The following ITGB1BP1 variants were observed in gnomAD, a reference collection of about 807,000 sequenced individuals.
ITGB1BP1 encodes integrin beta-1-binding protein 1.
In ITGB1BP1, 20 loss-of-function variants were observed where a neutral mutation model predicts 28.0. The observed-to-expected ratio is 0.71, with a 90% confidence interval of 0.50 to 1.04. The LOEUF is 1.04. Among genes scored for constraint, ITGB1BP1 ranks in the 50% least tolerant of loss-of-function variants. ITGB1BP1 has a pLI of 0.00. For missense variants in ITGB1BP1, 228 were observed against 242.5 expected, an observed-to-expected ratio of 0.94 and a Z score of 0.40; for synonymous variants, 103 against 89.5, an observed-to-expected ratio of 1.15 and a Z score of -0.85.
chr2:9,417,331 C>T (rs139781970), intron 2 of ITGB1BP1, among the ~76,000 whole-genome samples: 178 of 152,126 alleles, frequency 1.2e-3, no homozygotes, highest in African/African-American at 4.1e-3. Flanking sequence ...ATCATGGCCC[C>T]ACTTCTCCTG....
intron 2 of ITGB1BP1, among the ~76,000 whole-genome samples, chr2:9,417,714 C>T (rs1190045077): frequency 1.3e-5 from 2 of 152,268 alleles, no homozygotes; most frequent in Admixed American, 6.5e-5. Context: ...CCACCGTGCC[C>T]GGCCTGAAAA....
rs1393931495 is a variant in ITGB1BP1 at position 9,405,896 on chromosome 2, T to C, written c.*938A>G. Reference sequence around the variant, plus strand: ...TGCTTTGTGTGTCTTAAGTTGGCAATGTCACTGTTCCAGACCAGCATGAAT... The same window carrying C: ...TGCTTTGTGTGTCTTAAGTTGGCAACGTCACTGTTCCAGACCAGCATGAAT... On this transcript the variant is annotated 3_prime_UTR_variant, in exon 7 of 7. Transcript: ENST00000355346. The C allele has an allele frequency of 6.6e-6, 1 of 152,244 alleles. No individual in the cohort carries two copies. Among genetic ancestry groups the C allele is most frequent in the African/African-American group, 2.4e-5 (1 of 41,462 alleles). The allele number at this position is 152,244 out of a possible 1,614,324, so 9.4% of individuals were successfully genotyped here.
At chr2:9,407,351 A>G (rs1677615932) in intron 6 of ITGB1BP1, 98 bp downstream of exon 6, 4 of 1,344,974 alleles carry the variant, frequency 3.0e-6, no homozygotes, top group East Asian at 2.3e-5. Context: ...AAGATATTCC[A>G]TATATAATGG....
chr2:9,411,105 C>T (rs913851519), intron 4 of ITGB1BP1, among the ~76,000 whole-genome samples: 5 of 152,162 alleles, frequency 3.3e-5, no homozygotes, highest in Admixed American at 3.3e-4. Flanking sequence ...GGCAAGGGTA[C>T]AGATTTTATA....
chr2:9,412,350 A>C lies in ITGB1BP1; in HGVS notation c.207T>G (p.Gly69=), dbSNP rs1183184097. The change falls in exon 4 of 7, where the codon GGT becomes GGG. Residue 69 remains glycine, a synonymous_variant. Coordinates refer to ENST00000355346, the MANE Select transcript of ITGB1BP1 (RefSeq NM_004763.5). ...TCAEFRIKYV[G]AIEKLKLSEG... is the part of the protein sequence containing the mutation. ...CGGAGAGTTTCAGTTTCTCAATGGCACCAACATATTTTATTCGAAATTCTG... is the reference window on the plus strand; with the variant it reads ...CGGAGAGTTTCAGTTTCTCAATGGCCCCAACATATTTTATTCGAAATTCTG... 1 of 1,612,330 alleles carries C rather than the reference A, an allele frequency of 6.2e-7. No individual in the cohort carries two copies. Among genetic ancestry groups the C allele is most frequent in the Admixed American group, 1.7e-5 (1 of 59,928 alleles).
At position 9,414,261 on chromosome 2, in the gene ITGB1BP1, GA is replaced by G; in HGVS notation, c.73-6del. 6.2e-7 allele frequency: 1 copy of G among 1,613,150 alleles called. No homozygotes were observed. The highest frequency in any genetic ancestry group is 2.2e-5 in the East Asian group (1 of 44,874). On this transcript the variant is annotated splice_region_variant and splice_polypyrimidine_tract_variant and intron_variant, in intron 2 of 6. Transcript: ENST00000355346. The stretch of plus-strand genomic sequence containing the variant: ...CCCAAGGCTAGAATCCACAGACTGA[GA>G]AACAGAAAAACAAGTAAAAAACCTC...
At position 9,406,865 on chromosome 2, in the gene ITGB1BP1, A is replaced by G. The variant is rs1267663282; in HGVS notation, c.572T>C (p.Phe191Ser). Residue 191 changes from phenylalanine (F) to serine (S), a missense_variant, in exon 7 of 7, where the codon TTT (phenylalanine) becomes TCT (serine). By Grantham distance (155) the Phe-to-Ser change is radical. Coordinates refer to ENST00000355346, the MANE Select transcript of ITGB1BP1 (RefSeq NM_004763.5). ...TTTCTCAGATGTTAATACAGAGTCA[A>G]AAGCGGTGGATAAAACCTTGCAAAT... ...QAICKVLSTA[F>S]DSVLTSEKP The G allele has an allele frequency of 6.2e-7, 1 of 1,613,582 alleles. No individual in the cohort carries two copies. The highest frequency in any genetic ancestry group is 1.7e-5 in the Admixed American group (1 of 60,030).
At chr2:9,410,290 G>A in intron 4 of ITGB1BP1, among the ~76,000 whole-genome samples, 1 of 95,768 alleles carries the variant, frequency 1.0e-5, no homozygotes, top group African/African-American at 2.7e-5. Context: ...GGAGTGCAGT[G>A]GTACAATGAT....
chr2:9,422,529 G>C, intron 1 of ITGB1BP1: 1 of 985,496 alleles, frequency 1.0e-6, no homozygotes, highest in South Asian at 4.7e-5. Context: ...TCAAGGCTGG[G>C]GTAAGGGACC....
At position 9,407,555 on chromosome 2, in the gene ITGB1BP1, A is replaced by G. The variant is rs1479350563; in HGVS notation, c.425T>C (p.Val142Ala). The G allele has an allele frequency of 1.2e-6, 2 of 1,614,124 alleles. No individual in the cohort carries two copies. Among genetic ancestry groups the G allele is most frequent in the South Asian group, 2.2e-5 (2 of 91,078 alleles). Residue 142 changes from valine to alanine, a missense_variant, in exon 6 of 7, where the codon GTG (valine) becomes GCG (alanine). This residue lies in a region of ITGB1BP1 where 192 missense variants were observed against 181.6 expected (regional missense o/e 1.06). Coordinates refer to ENST00000355346, the MANE Select transcript of ITGB1BP1 (RefSeq NM_004763.5). ...RHALYLIIRM[V>A]CYDDGLGAGK... ...CGCCCCCAGACCGTCATCGTAACACACCATCCGGATTATTAAGTAGAGAGC... is the reference window on the plus strand; with the variant it reads ...CGCCCCCAGACCGTCATCGTAACACGCCATCCGGATTATTAAGTAGAGAGC...
At chr2:9,410,829 G>A (rs1678272922) in intron 4 of ITGB1BP1, among the ~76,000 whole-genome samples, 1 of 152,060 alleles carries the variant, frequency 6.6e-6, no homozygotes, top group Non-Finnish European at 1.5e-5. Context: ...CCCCTACTCT[G>A]CCTCCCCCAA....
Position 9,423,458 on chromosome 2 carries a change from C to G in ITGB1BP1, c.-121G>C, listed in dbSNP as rs965864926. 2.6e-6 allele frequency: 3 copies of G among 1,170,392 alleles called. No homozygotes were observed. The highest frequency in any genetic ancestry group is 3.2e-6 in the Non-Finnish European group (3 of 939,630). 72.5% of individuals were successfully genotyped at this position (1,170,392 alleles called of 1,614,324 possible). A position where few individuals can be genotyped will look rare whatever the true frequency, so the allele number is the denominator to read the frequency against. ...GCCTTTGGCGCCCAGGCAGCTACTC[C>G]CGTTCCCGCTCCAGCGCCGGCTTTT... is the stretch of plus-strand genomic sequence containing the variant. On this transcript the variant is annotated 5_prime_UTR_variant, in exon 1 of 7. Transcript: ENST00000355346.
rs889851590 is a variant in ITGB1BP1, at chr2:9,406,598, A to C, written c.*236T>G. ...TGACACTTAGGTTAAGCTTATTAGA[A>C]GTTGAAAAAGACAAATGAAGTTTTT... On this transcript the variant is annotated 3_prime_UTR_variant, in exon 7 of 7. Coordinates refer to ENST00000355346, the MANE Select transcript of ITGB1BP1 (RefSeq NM_004763.5). 2 of 527,406 alleles carry C rather than the reference A, an allele frequency of 3.8e-6. No individual in the cohort carries two copies. Among genetic ancestry groups the C allele is most frequent in the African/African-American group, 1.9e-5 (1 of 52,102 alleles). The allele number at this position is 527,406 out of a possible 1,614,324, so 32.7% of individuals were successfully genotyped here. A position where few individuals can be genotyped will look rare whatever the true frequency, so the allele number is the denominator to read the frequency against.
At chr2:9,411,780 C>T (rs976657170) in intron 4 of ITGB1BP1, among the ~76,000 whole-genome samples, 5 of 150,492 alleles carry the variant, frequency 3.3e-5, no homozygotes, top group African/African-American at 4.9e-5. Context: ...CAGTGGCTCA[C>T]GCCTATAATA....
At chr2:9,410,601 A>G (rs1678237898) in intron 4 of ITGB1BP1, among the ~76,000 whole-genome samples, 1 of 152,108 alleles carries the variant, frequency 6.6e-6, no homozygotes, top group Non-Finnish European at 1.5e-5. Flanking sequence ...CACCACACCC[A>G]GCTAATTTTT....
chr2:9,422,808 G>C, intron 1 of ITGB1BP1: 1 of 986,206 alleles, frequency 1.0e-6, no homozygotes, highest in Non-Finnish European at 1.2e-6. Flanking sequence ...CGACCAGCAA[G>C]GCTGCAGGAT....
At chr2:9,411,263 A>G (rs1196809883) in intron 4 of ITGB1BP1, among the ~76,000 whole-genome samples, 2 of 152,206 alleles carry the variant, frequency 1.3e-5, no homozygotes, top group Admixed American at 6.5e-5. Context: ...GAATAAACAG[A>G]TATGTTAGGT....
At chr2:9,413,328 C>CA (rs1558430150) in intron 3 of ITGB1BP1, among the ~76,000 whole-genome samples, 2 of 151,078 alleles carry the variant, frequency 1.3e-5, no homozygotes, top group Non-Finnish European at 3.0e-5. Context: ...CTCTTGATTT[C>CA]TTTTTTTTTC....
At chr2:9,407,132 G>A (rs985750601) in intron 6 of ITGB1BP1, 9 of 603,346 alleles carry the variant, frequency 1.5e-5, no homozygotes, top group Non-Finnish European at 2.6e-5. Flanking sequence ...TGCAAAGGCT[G>A]ATCACGCAGT....
Sources: allele counts gnomAD v4.1 joint callset (sites outside exome capture counted in the v4.1 genomes callset), GRCh38; gene constraint gnomAD v4.1.1; regional missense constraint gnomAD v4.1.1; transcripts MANE v1.5; gene names NCBI Gene and HGNC (gene_info 2026-07-23, HGNC 2026-07-21).